Variants in RFX8 observed in about 807,000 individuals in gnomAD.
RFX8 encodes regulatory factor X8, also known as DNA-binding protein RFX8.
RFX8 carries 46 observed loss-of-function variants against 54.6 expected under a neutral mutation model. The observed-to-expected ratio is 0.84, with a 90% CI of 0.67 to 1.08. The LOEUF (loss-of-function observed/expected upper bound fraction) is 1.08. Ranked by LOEUF, RFX8 falls within the 50% of genes least tolerant of loss-of-function variation. The pLI, the probability that RFX8 is intolerant of heterozygous loss-of-function variation, is 0.00. For missense variants in RFX8, 536 were observed against 562.3 expected (o/e 0.95, Z 0.47); for synonymous variants, 192 against 209.5 (o/e 0.92, Z 0.72).
chr2:101,420,835 C>T (rs1308341321), intron 4 of RFX8, among the ~76,000 whole-genome samples: 4 of 152,194 alleles, frequency 2.6e-5, no homozygotes, highest in African/African-American at 9.6e-5. Flanking sequence ...GAACTTTCCA[C>T]ATTGCATCAT....
intron 2 of RFX8, among the ~76,000 whole-genome samples, chr2:101,442,949 G>A (rs1256220220): frequency 4.6e-5 from 7 of 152,124 alleles, no homozygotes; most frequent in Non-Finnish European, 1.0e-4. Context: ...GGTCTCTCTA[G>A]GCAGATCGGC....
At chr2:101,411,972 A>C (rs1686158810) in intron 8 of RFX8, among the ~76,000 whole-genome samples, 1 of 152,212 alleles carries the variant, frequency 6.6e-6, no homozygotes, top group South Asian at 2.1e-4. Context: ...CCTGTGGGCC[A>C]GTGCAATGCT....
rs1689735915 is a variant in RFX8 at position 101,468,980 on chromosome 2, A to AT, written c.-52-2081dup. ...AGCCAGCATATATATATATGTAAGT[A>AT]TATATATATAAGTATATATATACGT... On this transcript the variant is annotated intron_variant, in intron 1 of 11. Transcript: ENST00000428343. Among the ~76,000 whole-genome samples, 8 of 113,320 alleles carry AT rather than the reference A, an allele frequency of 7.1e-5. No individual in the cohort carries two copies. The South Asian group carries it at 2.4e-3, about 34-fold the overall frequency. The allele number at this position is 113,320 out of a possible 152,430, so 74.3% of individuals were successfully genotyped here. A position where few individuals can be genotyped will look rare whatever the true frequency, so the allele number is the denominator to read the frequency against.
At chr2:101,399,345 T>C (rs1447905296) in intron 11 of RFX8, among the ~76,000 whole-genome samples, 2 of 152,162 alleles carry the variant, frequency 1.3e-5, no homozygotes, top group Non-Finnish European at 2.9e-5. Flanking sequence ...AACTTTTTGG[T>C]GTGATTGTTT....
intron 4 of RFX8, chr2:101,421,300 C>T: frequency 1.0e-6 from 1 of 987,476 alleles, no homozygotes; most frequent in Non-Finnish European, 1.2e-6. Flanking sequence ...GGATTAAATC[C>T]AATCGTGACA....
chr2:101,400,768 A>C (rs921310402), intron 11 of RFX8, among the ~76,000 whole-genome samples: 8 of 152,186 alleles, frequency 5.3e-5, no homozygotes, highest in African/African-American at 1.9e-4. Flanking sequence ...TGAACACTGC[A>C]GCCCAGCATG....
intron 7 of RFX8, among the ~76,000 whole-genome samples, chr2:101,414,160 C>T (rs1014144761): frequency 1.3e-5 from 2 of 152,244 alleles, no homozygotes; most frequent in Admixed American, 6.5e-5. Context: ...GGGCCCCACA[C>T]ACGGGTGAAG....
intron 9 of RFX8, among the ~76,000 whole-genome samples, chr2:101,408,002 C>A (rs1321743740): frequency 6.6e-6 from 1 of 152,242 alleles, no homozygotes; most frequent in South Asian, 2.1e-4. Flanking sequence ...TTGTAAAGAT[C>A]AGCCAAGCTA....
chr2:101,449,793 A>G (rs1388753781), intron 2 of RFX8, among the ~76,000 whole-genome samples: 1 of 152,096 alleles, frequency 6.6e-6, no homozygotes, highest in Non-Finnish European at 1.5e-5. Flanking sequence ...CTGGGGCCAA[A>G]CAGTAGGAAG....
rs1689584144 is a variant in RFX8, at chr2:101,466,554, C to T, written c.72+223G>A. On this transcript the variant is annotated intron_variant, in intron 2 of 11. Coordinates refer to ENST00000428343, the MANE Select transcript of RFX8 (RefSeq NM_001145664.2). ...TACATTCCCTTAGGTGCTACCCATTCCTCATCCTTCCTGGCCCCTCACTAT... is the reference window on the plus strand; with the variant it reads ...TACATTCCCTTAGGTGCTACCCATTTCTCATCCTTCCTGGCCCCTCACTAT... 2.6e-5 allele frequency among the ~76,000 whole-genome samples: 4 copies of T among 152,284 alleles called. No homozygotes were observed. In the South Asian group the frequency reaches 8.3e-4, roughly 32 times the overall value.
chr2:101,430,783 A>G (rs192869486), intron 2 of RFX8, among the ~76,000 whole-genome samples: 4 of 152,342 alleles, frequency 2.6e-5, no homozygotes, highest in South Asian at 2.1e-4. Context: ...ATTGCCACAG[A>G]TTTTGGGACA....
At chr2:101,473,984 G>T (rs1373303150) in intron 1 of RFX8, among the ~76,000 whole-genome samples, 1 of 152,222 alleles carries the variant, frequency 6.6e-6, no homozygotes, top group East Asian at 1.9e-4. Flanking sequence ...GGGAAGCCCG[G>T]CCCCATCGCC....
intron 1 of RFX8, among the ~76,000 whole-genome samples, chr2:101,471,381 C>T (rs1391477434): frequency 6.6e-6 from 1 of 152,018 alleles, no homozygotes; most frequent in African/African-American, 2.4e-5. Context: ...CATGAGCCCC[C>T]CACACTAGGA....
At position 101,397,375 on chromosome 2, in the gene RFX8, T is replaced by C. The variant is rs1443213315; in HGVS notation, c.*173A>G. 3 of 401,624 alleles carry C rather than the reference T, an allele frequency of 7.5e-6. No homozygotes were observed. The highest frequency in any genetic ancestry group is 1.3e-5 in the Non-Finnish European group (3 of 233,240). The allele number at this position is 401,624 out of a possible 1,614,324, so 24.9% of individuals were successfully genotyped here. On this transcript the variant is annotated 3_prime_UTR_variant, in exon 12 of 12. Coordinates refer to ENST00000428343, the MANE Select transcript of RFX8 (RefSeq NM_001145664.2). ...AGGCAAAAATTATTCTCCAAATCAG[T>C]TTACATATTTTATCGAAACCACCTC...
intron 2 of RFX8, among the ~76,000 whole-genome samples, chr2:101,437,601 AAAAG>A (rs1348746005): frequency 2.0e-5 from 3 of 152,116 alleles, no homozygotes; most frequent in African/African-American, 7.2e-5. Context: ...AAAAGGAAAA[AAAAG>A]AGAAAGGAAG....
chr2:101,472,561 A>G (rs911174908), intron 1 of RFX8, among the ~76,000 whole-genome samples: 2 of 152,158 alleles, frequency 1.3e-5, no homozygotes, highest in Admixed American at 6.5e-5. Flanking sequence ...GGACTTGAGT[A>G]AGTCAGACTG....
At chr2:101,419,729 T>G (rs1686750439) in intron 4 of RFX8, among the ~76,000 whole-genome samples, 1 of 152,220 alleles carries the variant, frequency 6.6e-6, no homozygotes, top group African/African-American at 2.4e-5. Flanking sequence ...TAGGTCATCA[T>G]GGAAGTTAGG....
chr2:101,412,957 G>T lies in RFX8; in HGVS notation c.676C>A (p.Arg226=), dbSNP rs779276390. Residue 226 remains arginine (R), a synonymous_variant, in exon 8 of 12, where the codon CGG becomes AGG. Coordinates refer to ENST00000428343, the MANE Select transcript of RFX8 (RefSeq NM_001145664.2). ...TTCTCCAGTTCATCTGCGCCACTCCGGTCACTTGCCAGGGCTTTCTTAGAA... is the reference window on the plus strand; with the variant it reads ...TTCTCCAGTTCATCTGCGCCACTCCTGTCACTTGCCAGGGCTTTCTTAGAA... The part of the protein sequence containing the change: ...ATSKKALASD[R]SGADELENNP... 6.4e-7 allele frequency: 1 copy of T among 1,551,600 alleles called. No individual in the cohort carries two copies. The highest frequency in any genetic ancestry group is 1.4e-5 in the African/African-American group (1 of 73,014).
chr2:101,420,189 G>A (rs1212131890), intron 4 of RFX8, among the ~76,000 whole-genome samples: 1 of 152,050 alleles, frequency 6.6e-6, no homozygotes, highest in Non-Finnish European at 1.5e-5. Flanking sequence ...GGGCATCCGA[G>A]GCCCCTTCTG....
Sources: allele counts gnomAD v4.1 joint callset (sites outside exome capture counted in the v4.1 genomes callset), GRCh38; gene constraint gnomAD v4.1.1; transcripts MANE v1.5; gene names NCBI Gene and HGNC (gene_info 2026-07-23, HGNC 2026-07-21).